The following PCDHGA9 variants were observed in gnomAD, a reference collection of about 807,000 sequenced individuals.
PCDHGA9 encodes protocadherin gamma subfamily A, 9.
Under a neutral mutation model 62.5 loss-of-function variants are expected in PCDHGA9, and 37 were observed. That is an observed-to-expected ratio of 0.59 (90% CI 0.46 to 0.78). The LOEUF is 0.78. Among genes scored for constraint, PCDHGA9 ranks in the 30% least tolerant of loss-of-function variants. The pLI is 0.00. For missense variants in PCDHGA9, 1,138 were observed against 1,166.2 expected (o/e 0.98, Z 0.35); for synonymous variants, 459 against 484.6 (o/e 0.95, Z 0.69).
chr5:141,465,761 G>A (rs1040750106), intron 1 of PCDHGA9, among the ~76,000 whole-genome samples: 2 of 151,634 alleles, frequency 1.3e-5, no homozygotes, highest in African/African-American at 4.8e-5. Flanking sequence ...GTAAAGTCAT[G>A]TTTCATCTCT....
intron 1 of PCDHGA9, chr5:141,413,070 T>C: frequency 8.4e-7 from 1 of 1,195,132 alleles, no homozygotes; most frequent in African/African-American, 1.5e-5. Context: ...GAATTTAAAG[T>C]GCCCAGGCTA....
rs74792071 is a variant in PCDHGA9 at position 141,437,248 on chromosome 5, T to C, written c.2424+31872T>C. 4.6e-3 allele frequency among the ~76,000 whole-genome samples: 704 copies of C among 152,360 alleles called. 4 individuals carry two copies. The highest frequency in any genetic ancestry group is 0.015 in the African/African-American group (641 of 41,594). On this transcript the variant is annotated intron_variant, in intron 1 of 3. Transcript: ENST00000573521. ...CATAAAATTATGTCAAGGACTTTCC[T>C]TGTCTTTTTATGTGTATGACAGATG... is the stretch of plus-strand genomic sequence containing the variant.
rs2099637746 is a variant in PCDHGA9, at chr5:141,486,980, A to G, written c.2425-7827A>G. Reference sequence around the variant, plus strand: ...TGCTGTGGACTTGGATTCAGGTTACAATGCTTGGGTTTCCTATCAGCTCCT... The same window carrying G: ...TGCTGTGGACTTGGATTCAGGTTACGATGCTTGGGTTTCCTATCAGCTCCT... On this transcript the variant is annotated intron_variant, in intron 1 of 3. Coordinates refer to ENST00000573521, the MANE Select transcript of PCDHGA9 (RefSeq NM_018921.3). This position sits in a 1 kb window ranked among gnomAD's most constrained non-coding sequence, Gnocchi z 5.0. The G allele has an allele frequency of 1.2e-6, 2 of 1,614,040 alleles. No individual in the cohort carries two copies. The highest frequency in any genetic ancestry group is 1.3e-5 in the African/African-American group (1 of 74,908).
In PCDHGA9 at chr5:141,463,735, C is replaced by T. The variant is rs1411988885; in HGVS notation, c.2425-31072C>T. On this transcript the variant is annotated intron_variant, in intron 1 of 3. Coordinates refer to ENST00000573521, the MANE Select transcript of PCDHGA9 (RefSeq NM_018921.3). ...TGCTGGGATTACAGGCATGAGCCAC[C>T]GCGCCCGGCCTGCTTCTCTTCTCTT... 3.3e-5 allele frequency among the ~76,000 whole-genome samples: 5 copies of T among 152,100 alleles called. No individual in the cohort carries two copies. The East Asian group carries it at 7.8e-4, about 24-fold the overall frequency.
chr5:141,439,965 T>C (rs1212358198), intron 1 of PCDHGA9: 1 of 152,760 alleles, frequency 6.5e-6, no homozygotes, highest in Non-Finnish European at 1.5e-5. Flanking sequence ...CGTTATTCAG[T>C]CCTAGAGGAG....
At chr5:141,500,326 A>T (rs1041431019) in intron 2 of PCDHGA9, among the ~76,000 whole-genome samples, 7 of 152,022 alleles carry the variant, frequency 4.6e-5, no homozygotes, top group Non-Finnish European at 1.0e-4. Context: ...CTCCTGCCTC[A>T]GCCTCCAGAA....
chr5:141,422,877 C>A, intron 1 of PCDHGA9: 1 of 1,614,246 alleles, frequency 6.2e-7, no homozygotes. Context: ...TGTCGCTGAG[C>A]CTGTTCGTGC....
At chr5:141,435,447 A>C (rs2097764160) in intron 1 of PCDHGA9, among the ~76,000 whole-genome samples, 1 of 152,168 alleles carries the variant, frequency 6.6e-6, no homozygotes, top group Non-Finnish European at 1.5e-5. Context: ...CATTAATACG[A>C]TATCTGTATG....
chr5:141,413,573 A>G (rs375156046), intron 1 of PCDHGA9: 12 of 1,613,768 alleles, frequency 7.4e-6, no homozygotes, highest in South Asian at 4.4e-5. Context: ...ATCAATGACA[A>G]TGCTCCAAAA....
chr5:141,450,893 C>T (rs1306212499), intron 1 of PCDHGA9, among the ~76,000 whole-genome samples: 3 of 149,144 alleles, frequency 2.0e-5, no homozygotes, highest in East Asian at 2.0e-4. Flanking sequence ...GGTGCGATAT[C>T]GGCTCACTGC....
intron 1 of PCDHGA9, chr5:141,410,466 G>A (rs536543649): frequency 6.2e-7 from 1 of 1,613,908 alleles, no homozygotes; most frequent in African/African-American, 1.3e-5. Context: ...TATAATCTGT[G>A]CATTGCACAT....
At chr5:141,497,461 A>G (rs541848982) in intron 2 of PCDHGA9, among the ~76,000 whole-genome samples, 2 of 151,526 alleles carry the variant, frequency 1.3e-5, no homozygotes, top group Admixed American at 1.3e-4. Context: ...GCTCTTGGAG[A>G]TATGGAGGAG....
At chr5:141,443,475 G>T (rs994058112) in intron 1 of PCDHGA9, among the ~76,000 whole-genome samples, 1 of 152,148 alleles carries the variant, frequency 6.6e-6, no homozygotes, top group African/African-American at 2.4e-5. Flanking sequence ...GACAGAATTA[G>T]ACCCTGTCCC....
In PCDHGA9 at chr5:141,491,807, G is replaced by A; in HGVS notation, c.2425-3000G>A. On this transcript the variant is annotated intron_variant, in intron 1 of 3. Transcript: ENST00000573521. The surrounding 1 kb of genome is among the most constrained non-coding windows in gnomAD (Gnocchi z 6.9). ...CATCCACTCCTCTCCGGCCGGCTTG[G>A]TCGCTGGCTGCGCTCCACCCGATTC... is the stretch of plus-strand genomic sequence containing the variant. 1 of 1,491,112 alleles carries A rather than the reference G, an allele frequency of 6.7e-7. No homozygotes were observed. The highest frequency in any genetic ancestry group is 1.4e-5 in the South Asian group (1 of 73,752). The allele number at this position is 1,491,112 out of a possible 1,614,324, so 92.4% of individuals were successfully genotyped here. A position where few individuals can be genotyped will look rare whatever the true frequency, so the allele number is the denominator to read the frequency against.
intron 2 of PCDHGA9, among the ~76,000 whole-genome samples, chr5:141,498,839 A>C (rs2099786236): frequency 6.6e-6 from 1 of 152,062 alleles, no homozygotes; most frequent in Non-Finnish European, 1.5e-5. Context: ...AGGCTGAGGC[A>C]GGGGAATCGC....
intron 1 of PCDHGA9, chr5:141,417,867 G>C (rs1182017096): frequency 1.9e-6 from 3 of 1,552,610 alleles, no homozygotes; most frequent in African/African-American, 2.7e-5. Flanking sequence ...ACGATGGGAG[G>C]GAGCTGCGCG....
intron 2 of PCDHGA9, 114 bp from the exon 3 acceptor site, chr5:141,505,279 C>A (rs780513022): frequency 1.3e-6 from 2 of 1,541,274 alleles, no homozygotes; most frequent in Non-Finnish European, 1.7e-6. Flanking sequence ...AGAAACAGGT[C>A]TTGGGCATGG....
In PCDHGA9 at chr5:141,485,822, G is replaced by A. The variant is rs750883983; in HGVS notation, c.2425-8985G>A. 6.2e-7 allele frequency: 1 copy of A among 1,614,192 alleles called. No individual in the cohort carries two copies. The highest frequency in any genetic ancestry group is 1.1e-5 in the South Asian group (1 of 91,080). ...CCGCCTGGTGCTGACTGCTGTCGAT[G>A]GAGGGAACCCGCCGAGATCTGGCAC... On this transcript the variant is annotated intron_variant, in intron 1 of 3. Transcript: ENST00000573521. This position sits in a 1 kb window ranked among gnomAD's most constrained non-coding sequence, Gnocchi z 5.7.
intron 1 of PCDHGA9, among the ~76,000 whole-genome samples, chr5:141,455,783 T>G (rs1475277198): frequency 1.3e-5 from 2 of 152,066 alleles, no homozygotes; most frequent in Non-Finnish European, 2.9e-5. Context: ...AAAAGAAACT[T>G]TTCCGGAGAT....
Sources: gnomAD v4.1 joint callset for allele counts (sites outside exome capture counted in the v4.1 genomes callset) on GRCh38, gnomAD v4.1.1 for gene constraint, Gnocchi (gnomAD v3.1) non-coding constraint, MANE v1.5 for transcripts, NCBI Gene and HGNC (gene_info 2026-07-23, HGNC 2026-07-21) for gene names.